CRELD2: variants seen among roughly 807,000 people sequenced by gnomAD.
CRELD2 encodes CRELD disulfide isomerase 2.
Under a neutral mutation model 48.1 loss-of-function variants are expected in CRELD2, and 33 were observed. The observed-to-expected ratio is 0.69, with a 90% CI of 0.52 to 0.92. CRELD2 has a LOEUF of 0.92. Ranked by LOEUF, CRELD2 falls within the 40% of genes least tolerant of loss-of-function variation. The pLI, the probability that CRELD2 is intolerant of heterozygous loss-of-function variation, is 0.00. For synonymous variants in CRELD2, 220 were observed against 203.9 expected, an observed-to-expected ratio of 1.08 and a Z score of -0.67; for missense variants, 477 against 482.4, an observed-to-expected ratio of 0.99 and a Z score of 0.10.
In CRELD2 at chr22:49,919,229, G is replaced by T. The variant is rs141530062; in HGVS notation, c.130-1G>T. 11 of 1,613,556 alleles carry T rather than the reference G, an allele frequency of 6.8e-6. No homozygotes were observed. The highest frequency in any genetic ancestry group is 9.3e-6 in the Non-Finnish European group (11 of 1,179,984). The stretch of plus-strand genomic sequence containing the variant: ...GCACTATGGGCACTGTCTCCTCGCA[G>T]GGGATGGTGGACACCGCAAAGAAGA... On this transcript the variant is annotated splice_acceptor_variant, in intron 1 of 9. Coordinates refer to ENST00000328268, the MANE Select transcript of CRELD2 (RefSeq NM_024324.5). LOFTEE classifies it high-confidence loss of function.
intron 9 of CRELD2, 85 bp from the exon 10 acceptor site, chr22:49,927,170 G>A: frequency 8.1e-7 from 1 of 1,239,924 alleles, no homozygotes; most frequent in Non-Finnish European, 1.2e-6. Context: ...GGCAGGCCCT[G>A]CACATGCGCT....
intron 5 of CRELD2, chr22:49,922,305 G>A (rs368043307): frequency 4.3e-5 from 53 of 1,228,936 alleles, no homozygotes; most frequent in Non-Finnish European, 5.3e-5. Flanking sequence ...AGTCAGGACC[G>A]GCCTCTCCGA....
rs1031417972 is a variant in CRELD2, at chr22:49,925,595, C to G, written c.1009+38C>G. On this transcript the variant is annotated intron_variant, in intron 9 of 9. Transcript: ENST00000328268. ...GCTGCCCTCCACACAGGCTGCCCTC[C>G]CCTGGGCCGCAGGGCTTGCACGTAG... 6 of 1,610,388 alleles carry G rather than the reference C, an allele frequency of 3.7e-6. No individual in the cohort carries two copies. The African/African-American group carries it at 8.0e-5, about 21-fold the overall frequency.
chr22:49,923,147 A>T, intron 6 of CRELD2, 87 bp from the exon 7 acceptor site: 1 of 1,104,518 alleles, frequency 9.1e-7, no homozygotes, highest in Non-Finnish European at 1.3e-6. Flanking sequence ...GGCCCTGGCC[A>T]CGGGCTGTGT....
At chr22:49,919,478 C>T (rs983764736) in intron 2 of CRELD2, among the ~76,000 whole-genome samples, 166 bp downstream of exon 2, 2 of 152,236 alleles carry the variant, frequency 1.3e-5, no homozygotes, top group Admixed American at 1.3e-4. Context: ...ATGGCTGGCC[C>T]CTCTCTGGCC....
In CRELD2 at chr22:49,927,430, C is replaced by T. The variant is rs1366373076; in HGVS notation, c.*123C>T. ...GCTGCCTGCTCTCTAACGGTTGATT[C>T]TCATTTGTCCCTTAAACAGCTGCAT... On this transcript the variant is annotated 3_prime_UTR_variant, in exon 10 of 10. Transcript: ENST00000328268. The T allele has an allele frequency of 7.9e-6, 6 of 762,122 alleles. No individual in the cohort carries two copies. Among genetic ancestry groups the T allele is most frequent in the Admixed American group, 2.0e-5 (1 of 51,076 alleles). The allele number at this position is 762,122 out of a possible 1,614,324, so 47.2% of individuals were successfully genotyped here.
In CRELD2 at chr22:49,918,805, G is replaced by T; in HGVS notation, c.36G>T (p.Leu12=). 1 of 1,329,286 alleles carries T rather than the reference G, an allele frequency of 7.5e-7. No homozygotes were observed. Among genetic ancestry groups the T allele is most frequent in the Non-Finnish European group, 9.6e-7 (1 of 1,043,186 alleles). 82.3% of individuals were successfully genotyped at this position (1,329,286 alleles called of 1,614,324 possible). A position where few individuals can be genotyped will look rare whatever the true frequency, so the allele number is the denominator to read the frequency against. The change falls in exon 1 of 10, where the codon CTG becomes CTT. Residue 12 remains leucine (L), a synonymous_variant. Coordinates refer to ENST00000328268, the MANE Select transcript of CRELD2 (RefSeq NM_024324.5). ...RLPRRAALGL[L]PLLLLLPPAP... The stretch of plus-strand genomic sequence containing the variant: ...CGCGCCGGGCCGCGCTGGGGCTCCT[G>T]CCGCTTCTGCTGCTGCTGCCGCCCG...
rs549740440 is a variant in CRELD2, at chr22:49,924,957, C to A, written c.869-460C>A. ...CCATCCTGGCTAACACGGTGAAACC[C>A]CATCTCTACTAAAAATACAAAAAAT... On this transcript the variant is annotated intron_variant, in intron 8 of 9. Coordinates refer to ENST00000328268, the MANE Select transcript of CRELD2 (RefSeq NM_024324.5). 953 of 162,812 alleles carry A rather than the reference C, an allele frequency of 5.9e-3. 10 individuals carry two copies. The highest frequency in any genetic ancestry group is 0.022 in the African/African-American group (915 of 41,620). The allele number at this position is 162,812 out of a possible 1,614,324, so 10.1% of individuals were successfully genotyped here. A position where few individuals can be genotyped will look rare whatever the true frequency, so the allele number is the denominator to read the frequency against.
intron 5 of CRELD2, chr22:49,922,076 A>G: frequency 1.6e-6 from 1 of 624,348 alleles, no homozygotes; most frequent in Non-Finnish European, 2.7e-6. Context: ...TGGGCCCCGC[A>G]CCGGCCCAGA....
At position 49,923,231 on chromosome 22, in the gene CRELD2, C is replaced by T. The variant is rs770026093; in HGVS notation, c.689-3C>T. The T allele has an allele frequency of 6.4e-6, 10 of 1,572,498 alleles. No homozygotes were observed. In the South Asian group the frequency reaches 1.1e-4, roughly 17 times the overall value. Reference sequence around the variant, plus strand: ...CGCTCACAGCTGTGCCGCTCTGTTCCAGATGTGGACGAGTGTGCGGCCGAG... The same window carrying T: ...CGCTCACAGCTGTGCCGCTCTGTTCTAGATGTGGACGAGTGTGCGGCCGAG... On this transcript the variant is annotated splice_region_variant and splice_polypyrimidine_tract_variant and intron_variant, in intron 6 of 9. Coordinates refer to ENST00000328268, the MANE Select transcript of CRELD2 (RefSeq NM_024324.5).
At chr22:49,927,177 C>A (rs891911772) in intron 9 of CRELD2, 78 bp from the exon 10 acceptor site, 1 of 1,294,234 alleles carries the variant, frequency 7.7e-7, no homozygotes, top group Admixed American at 1.7e-5. Flanking sequence ...CCTGCACATG[C>A]GCTGCTGTCC....
intron 6 of CRELD2, 167 bp from the exon 7 acceptor site, chr22:49,923,067 G>C (rs2060717923): frequency 1.7e-6 from 1 of 604,878 alleles, no homozygotes; most frequent in Admixed American, 3.1e-5. Flanking sequence ...CTGCCGCGTG[G>C]GGCCTCCGAG....
intron 8 of CRELD2, 94 bp from the exon 9 acceptor site, chr22:49,925,319 GCTTT>G: frequency 2.4e-6 from 2 of 836,550 alleles, no homozygotes; most frequent in South Asian, 1.7e-5. Context: ...TCATCGTTGT[GCTTT>G]CTTTATGTGA....
In CRELD2 at chr22:49,925,417, A is replaced by G; in HGVS notation, c.869A>G (p.Asp290Gly). 1.3e-6 allele frequency: 2 copies of G among 1,587,736 alleles called. No homozygotes were observed. Among genetic ancestry groups the G allele is most frequent in the Non-Finnish European group, 1.7e-6 (2 of 1,160,514 alleles). The stretch of plus-strand genomic sequence containing the variant: ...TTAAAACGGAGTCTTTTCATTTTAG[A>G]TGTGGACGAGTGCTCACTAGCAGAA... ...GYAREHGQCA[D>G]VDECSLAEKT... The change falls in exon 9 of 10, where the codon GAT becomes GGT. Residue 290 changes from aspartate (D) to glycine (G), a missense_variant and splice_region_variant. By Grantham distance (94) the Asp-to-Gly change is moderately conservative (BLOSUM62 -1). Coordinates refer to ENST00000328268, the MANE Select transcript of CRELD2 (RefSeq NM_024324.5).
At chr22:49,925,362 C>A in intron 8 of CRELD2, 55 bp from the exon 9 acceptor site, 1 of 1,124,442 alleles carries the variant, frequency 8.9e-7, no homozygotes, top group Non-Finnish European at 1.3e-6. Context: ...ATTTCATAAT[C>A]CGCTGCGCGT....
rs768849090 is a variant in CRELD2, at chr22:49,923,222, G to C, written c.689-12G>C. The C allele has an allele frequency of 1.3e-6, 2 of 1,561,508 alleles. No homozygotes were observed. Among genetic ancestry groups the C allele is most frequent in the South Asian group, 2.5e-5 (2 of 80,992 alleles). On this transcript the variant is annotated splice_polypyrimidine_tract_variant and intron_variant, in intron 6 of 9. Coordinates refer to ENST00000328268, the MANE Select transcript of CRELD2 (RefSeq NM_024324.5). ...GTCCTGGGCCGCTCACAGCTGTGCC[G>C]CTCTGTTCCAGATGTGGACGAGTGT...
chr22:49,924,204 T>C, intron 7 of CRELD2, 156 bp from the exon 8 acceptor site: 1 of 574,932 alleles, frequency 1.7e-6, no homozygotes, highest in Non-Finnish European at 3.1e-6. Flanking sequence ...GTCTGTGCTT[T>C]TGCCGGGAGA....
chr22:49,921,757 C>T lies in CRELD2; in HGVS notation c.588C>T (p.Cys196=). ...SSLRNETHSI[C]TACDESCKTC... The stretch of plus-strand genomic sequence containing the variant: ...TCCGGAACGAGACCCACAGCATCTG[C>T]ACAGGTACGGGCTACGCCTGGGCTG... Residue 196 remains cysteine (C), a synonymous_variant, in exon 5 of 10, where the codon TGC becomes TGT. Coordinates refer to ENST00000328268, the MANE Select transcript of CRELD2 (RefSeq NM_024324.5). 6.2e-7 allele frequency: 1 copy of T among 1,610,992 alleles called. No homozygotes were observed. Among genetic ancestry groups the T allele is most frequent in the Non-Finnish European group, 8.5e-7 (1 of 1,178,828 alleles).
chr22:49,922,652 CAG>C lies in CRELD2; in HGVS notation c.637_638del (p.Asp213LeufsTer5). ...SCKTCSGLTN[R>X]DCGECEVGWV... ...GCAAGACGTGCTCGGGCCTGACCAA[CAG>C]AGACTGCGGCGAGTGTGAAGTGGGC... On this transcript the variant is annotated frameshift_variant, in exon 6 of 10. Transcript: ENST00000328268. LOFTEE classifies it high-confidence loss of function. The C allele has an allele frequency of 6.4e-7, 1 of 1,571,036 alleles. No homozygotes were observed. Among genetic ancestry groups the C allele is most frequent in the Non-Finnish European group, 8.6e-7 (1 of 1,159,062 alleles).
Sources: allele counts gnomAD v4.1 joint callset (sites outside exome capture counted in the v4.1 genomes callset), GRCh38; gene constraint gnomAD v4.1.1; transcripts MANE v1.5; gene names NCBI Gene and HGNC (gene_info 2026-07-23, HGNC 2026-07-21).